Variants in RGS3 observed in about 807,000 individuals in gnomAD.
RGS3 encodes regulator of G-protein signalling 3.
Under a neutral mutation model 132.6 loss-of-function variants are expected in RGS3, and 80 were observed. The observed-to-expected ratio is 0.60, with a 90% CI of 0.50 to 0.73. RGS3 has a LOEUF of 0.73. RGS3 is among the 30% of genes least tolerant of loss of function. The pLI is 0.00. For missense variants in RGS3, 1,382 were observed against 1,530.8 expected, an observed-to-expected ratio of 0.90 and a Z score of 1.62; for synonymous variants, 598 against 620.6, an observed-to-expected ratio of 0.96 and a Z score of 0.54.
rs150681701 is a variant in RGS3, at chr9:113,463,319, G to C, written c.415+1118G>C. ...CCAAACCTCACTGCCCTGGGCCATC[G>C]GGTGCTCCTTTGCCTTTGCTTGGAT... On this transcript the variant is annotated intron_variant, in intron 3 of 24. Transcript: ENST00000350696. This position sits in a 1 kb window ranked among gnomAD's most constrained non-coding sequence, Gnocchi z 4.6. Among the ~76,000 whole-genome samples the C allele has an allele frequency of 2.0e-5, 3 of 152,292 alleles. No homozygotes were observed. In the East Asian group the frequency reaches 5.8e-4, roughly 29 times the overall value.
intron 17 of RGS3, among the ~76,000 whole-genome samples, chr9:113,523,265 T>C (rs953646086): frequency 6.6e-6 from 1 of 152,176 alleles, no homozygotes; most frequent in Non-Finnish European, 1.5e-5. Context: ...TTCTAGAGAC[T>C]TTCCAGAGAG....
At chr9:113,569,831 A>G (rs967494030) in intron 19 of RGS3, among the ~76,000 whole-genome samples, 48 of 152,054 alleles carry the variant, frequency 3.2e-4, no homozygotes, top group African/African-American at 1.1e-3. Context: ...CCAGGGAAGC[A>G]CTCAGTTCAG....
intron 3 of RGS3, chr9:113,479,239 T>C (rs1004454196): frequency 2.2e-5 from 12 of 541,784 alleles, no homozygotes; most frequent in Non-Finnish European, 1.0e-5. Context: ...TGTACAGTAG[T>C]GAGCTCCCCA....
At chr9:113,454,949 T>C (rs1349703937) in intron 1 of RGS3, among the ~76,000 whole-genome samples, 1 of 152,170 alleles carries the variant, frequency 6.6e-6, no homozygotes, top group Non-Finnish European at 1.5e-5. Context: ...AGCACTTAGC[T>C]GAAGTTGTGA....
At chr9:113,508,417 G>C (rs901165092) in intron 13 of RGS3, 124 bp from the exon 12 acceptor site, 1 of 926,392 alleles carries the variant, frequency 1.1e-6, no homozygotes, top group East Asian at 2.4e-5. Flanking sequence ...CAGAACTGCT[G>C]TTTTTCTCTT....
chr9:113,447,058 G>A (rs1419727769), intron 1 of RGS3, among the ~76,000 whole-genome samples: 4 of 151,594 alleles, frequency 2.6e-5, no homozygotes, highest in South Asian at 2.1e-4. Context: ...TCAGGAGATC[G>A]AGACCATCCT....
chr9:113,510,919 C>G (rs1387642820), intron 14 of RGS3, among the ~76,000 whole-genome samples: 1 of 152,190 alleles, frequency 6.6e-6, no homozygotes, highest in Non-Finnish European at 1.5e-5. Context: ...CACAATTTCC[C>G]TTAAACACAC....
At chr9:113,459,460 T>A (rs1469171564), upstream of RGS3, among the ~76,000 whole-genome samples, 1 of 152,154 alleles carries the variant, frequency 6.6e-6, no homozygotes, top group Non-Finnish European at 1.5e-5. Context: ...TCTTATAATT[T>A]AAAATATTAG....
intron 7 of RGS3, among the ~76,000 whole-genome samples, chr9:113,493,694 G>C (rs1488922450): frequency 6.6e-6 from 1 of 152,150 alleles, no homozygotes; most frequent in Non-Finnish European, 1.5e-5. Flanking sequence ...AGGCATAAGT[G>C]GGTGCTTGGC....
intron 19 of RGS3, among the ~76,000 whole-genome samples, chr9:113,571,840 A>G (rs1442839074): frequency 6.6e-6 from 1 of 152,170 alleles, no homozygotes; most frequent in Non-Finnish European, 1.5e-5. Context: ...TTTATGTTTC[A>G]TATTTAGATC....
chr9:113,549,320 C>G (rs1833236850), intron 19 of RGS3, among the ~76,000 whole-genome samples: 2 of 152,228 alleles, frequency 1.3e-5, no homozygotes. Context: ...GCCTGGCATG[C>G]AGTAGGTACT....
intron 19 of RGS3, among the ~76,000 whole-genome samples, chr9:113,553,459 AATAT>A (rs1217293385): frequency 0.01 from 588 of 58,310 alleles, 3 homozygotes; most frequent in Middle Eastern, 0.061. Context: ...AAAAAAAAAA[AATAT>A]ATATATATAT....
At chr9:113,447,054 G>A (rs1829116616) in intron 1 of RGS3, among the ~76,000 whole-genome samples, 1 of 151,820 alleles carries the variant, frequency 6.6e-6, no homozygotes, top group East Asian at 1.9e-4. Context: ...GAGGTCAGGA[G>A]ATCGAGACCA....
At chr9:113,498,508 A>G (rs1016304560) in intron 10 of RGS3, among the ~76,000 whole-genome samples, 1 of 152,174 alleles carries the variant, frequency 6.6e-6, no homozygotes, top group African/African-American at 2.4e-5. Flanking sequence ...TTAGGGCTTC[A>G]AGTCTGGAAA....
In RGS3 at chr9:113,595,215, G is replaced by C. The variant is rs1241344612; in HGVS notation, c.3244+235G>C. On this transcript the variant is annotated intron_variant, in intron 23 of 24. Coordinates refer to ENST00000350696, the Ensembl canonical transcript of RGS3. ...AGCTGGCACTGCCTGCCGGAGGCCCGTGGGACCTGTGTGCTCAGATCCATA... is the reference window on the plus strand; with the variant it reads ...AGCTGGCACTGCCTGCCGGAGGCCCCTGGGACCTGTGTGCTCAGATCCATA... The C allele has an allele frequency of 3.0e-5, 18 of 590,466 alleles. No homozygotes were observed. In the South Asian group the frequency reaches 3.7e-4, roughly 12 times the overall value. 36.6% of individuals were successfully genotyped at this position (590,466 alleles called of 1,614,324 possible).
intron 20 of RGS3, among the ~76,000 whole-genome samples, chr9:113,586,069 C>G (rs1835102855): frequency 6.6e-6 from 1 of 152,202 alleles, no homozygotes; most frequent in African/African-American, 2.4e-5. Context: ...GGGTGGTGCC[C>G]AGACCCTATA....
intron 14 of RGS3, among the ~76,000 whole-genome samples, chr9:113,508,892 G>A (rs1412392291): frequency 6.6e-6 from 1 of 152,166 alleles, no homozygotes; most frequent in African/African-American, 2.4e-5. Flanking sequence ...TATATATTAG[G>A]TGCCAGAGGC....
At chr9:113,560,623 T>C (rs144967168) in intron 19 of RGS3, among the ~76,000 whole-genome samples, 4 of 152,346 alleles carry the variant, frequency 2.6e-5, no homozygotes, top group Non-Finnish European at 4.4e-5. Context: ...TCAGTGGTTA[T>C]TGAAATAACT....
chr9:113,595,457 A>T, intron 23 of RGS3, 142 bp from the exon 22 acceptor site: 1 of 882,192 alleles, frequency 1.1e-6, no homozygotes, highest in Non-Finnish European at 1.7e-6. Context: ...GCCACATCCC[A>T]GGGCTCCTGG....
Sources: gnomAD v4.1 joint callset for allele counts (sites outside exome capture counted in the v4.1 genomes callset) on GRCh38, gnomAD v4.1.1 for gene constraint, Gnocchi (gnomAD v3.1) non-coding constraint, MANE v1.5 for transcripts, NCBI Gene and HGNC (gene_info 2026-07-23, HGNC 2026-07-21) for gene names.